DPP6: variants seen among roughly 807,000 people sequenced by gnomAD.
DPP6 encodes the protein A-type potassium channel modulatory protein DPP6.
DPP6 carries 69 observed loss-of-function variants against 122.6 expected under a neutral mutation model. The ratio of observed to expected loss-of-function variants is 0.56; its 90% CI spans 0.46 to 0.69. DPP6 has a LOEUF of 0.69. Among genes scored for constraint, DPP6 ranks in the 30% least tolerant of loss-of-function variants. The pLI is 0.00. For synonymous variants in DPP6, 418 were observed against 433.1 expected, an observed-to-expected ratio of 0.97 and a Z score of 0.43; for missense variants, 928 against 1,116.9, an observed-to-expected ratio of 0.83 and a Z score of 2.41.
chr7:154,798,212 C>T (rs1414648745), intron 12 of DPP6, among the ~76,000 whole-genome samples: 1 of 152,236 alleles, frequency 6.6e-6, no homozygotes, highest in African/African-American at 2.4e-5. Context: ...TGCATGGTCC[C>T]TGGAGGCCCA....
the DPP6 span, among the ~76,000 whole-genome samples, chr7:153,836,189 G>T: frequency 4.5e-4 from 69 of 152,338 alleles, no homozygotes; most frequent in Admixed American, 2.7e-3. Context: ...TAGGACGTTT[G>T]CCACGCTGGA....
At chr7:154,490,546 C>CT (rs2151386575) in intron 3 of DPP6, among the ~76,000 whole-genome samples, 1 of 152,338 alleles carries the variant, frequency 6.6e-6, no homozygotes, top group South Asian at 2.1e-4. Flanking sequence ...ATGTTATTTA[C>CT]TTATTTTTGC....
At chr7:154,271,764 C>G (rs1181393315) in intron 1 of DPP6, among the ~76,000 whole-genome samples, 1 of 152,150 alleles carries the variant, frequency 6.6e-6, no homozygotes, top group African/African-American at 2.4e-5. Context: ...CATCCAGGGA[C>G]ACAAACATTC....
intron 1 of DPP6, among the ~76,000 whole-genome samples, chr7:154,195,253 C>T (rs1203896272): frequency 6.6e-6 from 1 of 152,122 alleles, no homozygotes; most frequent in Non-Finnish European, 1.5e-5. Context: ...TGAAATATGG[C>T]AGTAACAAAT....
rs983619149 is a variant in DPP6, at chr7:154,872,573, C to A, written c.1814-51C>A. The A allele has an allele frequency of 1.1e-5, 17 of 1,557,778 alleles. No individual in the cohort carries two copies. In the African/African-American group the frequency reaches 2.2e-4, roughly 20 times the overall value. ...GGTCACCCAAGGGCATGCCCGATAC[C>A]CCGTGGCCAGCATTGCCCCCTAACC... On this transcript the variant is annotated intron_variant, in intron 18 of 25. Coordinates refer to ENST00000377770, the MANE Select transcript of DPP6 (RefSeq NM_130797.4).
At chr7:154,870,289 G>T (rs1313509491) in intron 18 of DPP6, among the ~76,000 whole-genome samples, 2 of 152,048 alleles carry the variant, frequency 1.3e-5, no homozygotes, top group East Asian at 3.9e-4. Flanking sequence ...GCCTAGAGGA[G>T]GAAGAAGAGA....
intron 1 of DPP6, among the ~76,000 whole-genome samples, chr7:153,901,885 C>T (rs1799652510): frequency 6.6e-6 from 1 of 152,148 alleles, no homozygotes; most frequent in African/African-American, 2.4e-5. Flanking sequence ...TCCTTGAGCT[C>T]CTTAATATTA....
At chr7:154,298,281 T>C (rs10281071) in intron 1 of DPP6, among the ~76,000 whole-genome samples, 48,459 of 150,954 alleles carry the variant, frequency 0.32, 7,790 homozygotes, top group Admixed American at 0.39. Flanking sequence ...CACACACACA[T>C]ACACACACTA....
intron 1 of DPP6, among the ~76,000 whole-genome samples, chr7:154,401,988 C>T (rs1287988563): frequency 6.6e-6 from 1 of 152,174 alleles, no homozygotes; most frequent in Non-Finnish European, 1.5e-5. Flanking sequence ...CCAAAAAACA[C>T]ATGAGAAAAT....
chr7:153,839,591 G>A, the DPP6 span, among the ~76,000 whole-genome samples: 3 of 152,226 alleles, frequency 2.0e-5, no homozygotes, highest in African/African-American at 7.2e-5. Flanking sequence ...TGAAGTCACA[G>A]CTGCATGGAC....
chr7:154,032,356 G>T (rs892255660), intron 1 of DPP6, among the ~76,000 whole-genome samples: 14 of 152,138 alleles, frequency 9.2e-5, no homozygotes, highest in Non-Finnish European at 1.9e-4. Flanking sequence ...GGGCCTGAAT[G>T]AAGGAATGGG....
intron 1 of DPP6, among the ~76,000 whole-genome samples, chr7:154,189,419 C>T (rs193010821): frequency 6.6e-6 from 1 of 152,278 alleles, no homozygotes; most frequent in East Asian, 1.9e-4. Context: ...ACTGTTTATA[C>T]AGCAGCTATT....
In DPP6 at chr7:154,063,613, C is replaced by T. The variant is rs550216063; in HGVS notation, c.243+10550C>T. Among the ~76,000 whole-genome samples the T allele has an allele frequency of 1.6e-3, 211 of 130,902 alleles. 12 individuals are homozygous for T. Among genetic ancestry groups the T allele is most frequent in the Non-Finnish European group, 2.4e-3 (145 of 60,234 alleles). The allele number at this position is 130,902 out of a possible 152,430, so 85.9% of individuals were successfully genotyped here. A position where few individuals can be genotyped will look rare whatever the true frequency, so the allele number is the denominator to read the frequency against. Reference sequence around the variant, plus strand: ...ACCCCCATCGCAGTGAGGGAGGCACCCCCCACGAGGCAGGGACTGAGAGCC... The same window carrying T: ...ACCCCCATCGCAGTGAGGGAGGCACTCCCCACGAGGCAGGGACTGAGAGCC... On this transcript the variant is annotated intron_variant, in intron 1 of 25. Transcript: ENST00000377770.
At position 154,875,866 on chromosome 7, in the gene DPP6, C is replaced by T. The variant is rs562903999; in HGVS notation, c.1884-40C>T. Reference sequence around the variant, plus strand: ...CAGCTGCTAGACCAGCCGCCACCCACCACGCAGCAGGCCTGCTGAGCCCGG... The same window carrying T: ...CAGCTGCTAGACCAGCCGCCACCCATCACGCAGCAGGCCTGCTGAGCCCGG... On this transcript the variant is annotated intron_variant, in intron 19 of 25. Transcript: ENST00000377770. The surrounding 1 kb of genome is among the most constrained non-coding windows in gnomAD (Gnocchi z 4.5). 1 of 1,576,972 alleles carries T rather than the reference C, an allele frequency of 6.3e-7. No individual in the cohort carries two copies. Among genetic ancestry groups the T allele is most frequent in the East Asian group, 2.3e-5 (1 of 42,806 alleles).
chr7:153,899,906 T>C (rs1473703198), intron 1 of DPP6, among the ~76,000 whole-genome samples: 2 of 152,228 alleles, frequency 1.3e-5, no homozygotes, highest in African/African-American at 2.4e-5. Flanking sequence ...ATAAAAACTC[T>C]GATGGAATTA....
intron 1 of DPP6, among the ~76,000 whole-genome samples, chr7:154,399,796 A>G (rs1167767280): frequency 2.0e-5 from 3 of 152,214 alleles, no homozygotes; most frequent in Non-Finnish European, 4.4e-5. Context: ...TGGGGTGTGC[A>G]CTTTAAATGG....
chr7:154,880,904 C>A lies in DPP6; in HGVS notation c.2095C>A (p.Gln699Lys). 6.2e-7 allele frequency: 1 copy of A among 1,613,990 alleles called. No individual in the cohort carries two copies. The highest frequency in any genetic ancestry group is 8.5e-7 in the Non-Finnish European group (1 of 1,179,904). The change falls in exon 21 of 26, where the codon CAG (glutamine) becomes AAG (lysine). Residue 699 changes from glutamine to lysine, a missense_variant. Coordinates refer to ENST00000377770, the MANE Select transcript of DPP6 (RefSeq NM_130797.4). The stretch of plus-strand genomic sequence containing the variant: ...ACCTCACAGGACGATGCTGAAGGAG[C>A]AGTACATTGACAGGACGCGCGTGGC... ...MEAVRTMLKE[Q>K]YIDRTRVAVF...
At chr7:154,303,470 C>T (rs893121506) in intron 1 of DPP6, among the ~76,000 whole-genome samples, 4 of 152,136 alleles carry the variant, frequency 2.6e-5, no homozygotes, top group African/African-American at 9.7e-5. Context: ...GAACCTGTGA[C>T]CGTAGGAAGA....
intron 1 of DPP6, among the ~76,000 whole-genome samples, chr7:154,053,636 G>GAA (rs201842922): frequency 6.7e-6 from 1 of 148,458 alleles, no homozygotes; most frequent in African/African-American, 2.5e-5. Flanking sequence ...ATCCTTTCCG[G>GAA]AAAAAAAAAA....
Sources: allele counts gnomAD v4.1 joint callset (sites outside exome capture counted in the v4.1 genomes callset), GRCh38; gene constraint gnomAD v4.1.1; non-coding constraint Gnocchi (gnomAD v3.1); transcripts MANE v1.5; gene names NCBI Gene and HGNC (gene_info 2026-07-23, HGNC 2026-07-21).